Variants in GNB1L observed in about 807,000 individuals in gnomAD.
The protein encoded by GNB1L is guanine nucleotide-binding protein subunit beta-like protein 1.
Under a neutral mutation model 29.1 loss-of-function variants are expected in GNB1L, and 20 were observed. The observed-to-expected ratio is 0.69, with a 90% CI of 0.48 to 1.00. The LOEUF (loss-of-function observed/expected upper bound fraction) is 1.00. Among genes scored for constraint, GNB1L ranks in the 50% least tolerant of loss-of-function variants. GNB1L has a pLI of 0.00. For synonymous variants in GNB1L, 193 were observed against 206.5 expected (o/e 0.93, Z 0.56); for missense variants, 421 against 464.9 (o/e 0.91, Z 0.87).
chr22:19,835,401 CAAAA>C (rs138573984), intron 2 of GNB1L, among the ~76,000 whole-genome samples: 2 of 141,942 alleles, frequency 1.4e-5, no homozygotes, highest in Non-Finnish European at 3.1e-5. Context: ...AACAAACAAA[CAAAA>C]AAAAAACCTC....
At chr22:19,820,464 C>T (rs1185955905) in intron 4 of GNB1L, 134 bp downstream of exon 4, 3 of 966,560 alleles carry the variant, frequency 3.1e-6, no homozygotes, top group African/African-American at 1.6e-5. Flanking sequence ...CCTGCCCTTG[C>T]TGCGGACCCT....
intron 7 of GNB1L, among the ~76,000 whole-genome samples, chr22:19,801,773 C>T (rs531107975): frequency 6.6e-6 from 1 of 151,788 alleles, no homozygotes; most frequent in South Asian, 2.1e-4. Flanking sequence ...CAAGATGTGA[C>T]GGCATGAACC....
intron 4 of GNB1L, among the ~76,000 whole-genome samples, chr22:19,820,096 C>T (rs1937566181): frequency 6.6e-6 from 1 of 152,144 alleles, no homozygotes. Flanking sequence ...TCCACCGGCA[C>T]CGTGTGTGAC....
chr22:19,840,258 G>T (rs1383940741), intron 2 of GNB1L, among the ~76,000 whole-genome samples: 1 of 152,050 alleles, frequency 6.6e-6, no homozygotes, highest in Non-Finnish European at 1.5e-5. Flanking sequence ...GTAAAGAAAT[G>T]ACTAAATAAA....
intron 2 of GNB1L, among the ~76,000 whole-genome samples, chr22:19,854,138 G>A (rs1938178420): frequency 6.6e-6 from 1 of 152,128 alleles, no homozygotes; most frequent in Non-Finnish European, 1.5e-5. Context: ...TCAGTCTGTT[G>A]GTCCCCCTAC....
rs1250003129 is a variant in GNB1L, at chr22:19,854,471, G to C, written c.-49C>G. Reference sequence around the variant, plus strand: ...AGGCTACGCGAATCGCCCGCGAAGAGGGTCCTGGGATCCGTAGCCACAGAC... The same window carrying C: ...AGGCTACGCGAATCGCCCGCGAAGACGGTCCTGGGATCCGTAGCCACAGAC... On this transcript the variant is annotated 5_prime_UTR_variant, in exon 2 of 8. Coordinates refer to ENST00000329517, the MANE Select transcript of GNB1L (RefSeq NM_053004.3). 3.9e-5 allele frequency: 6 copies of C among 152,680 alleles called. No individual in the cohort carries two copies. The highest frequency in any genetic ancestry group is 3.9e-4 in the East Asian group (2 of 5,192). The allele number at this position is 152,680 out of a possible 1,614,324, so 9.5% of individuals were successfully genotyped here.
At chr22:19,819,325 G>T (rs571618662) in intron 4 of GNB1L, among the ~76,000 whole-genome samples, 1 of 152,376 alleles carries the variant, frequency 6.6e-6, no homozygotes, top group Admixed American at 6.5e-5. Flanking sequence ...CATGCAGGAG[G>T]ATGGTGCGAC....
At chr22:19,799,721 G>A (rs1291035793) in intron 7 of GNB1L, among the ~76,000 whole-genome samples, 1 of 152,190 alleles carries the variant, frequency 6.6e-6, no homozygotes, top group African/African-American at 2.4e-5. Flanking sequence ...TGCAGGCGGT[G>A]GGTGAGGACA....
rs906765339 is a variant in GNB1L, at chr22:19,833,186, A to T, written c.-20-11811T>A. ...TCTCAAGGAAAAAGCCAATTTACAG[A>T]TGCCAACCTTGAGAAGATTCAGATG... On this transcript the variant is annotated intron_variant, in intron 2 of 7. Transcript: ENST00000329517. 2.0e-5 allele frequency among the ~76,000 whole-genome samples: 3 copies of T among 152,248 alleles called. No individual in the cohort carries two copies. The East Asian group carries it at 5.8e-4, about 29-fold the overall frequency.
At chr22:19,813,047 C>T (rs1055930575) in intron 4 of GNB1L, among the ~76,000 whole-genome samples, 6 of 152,146 alleles carry the variant, frequency 3.9e-5, no homozygotes, top group Non-Finnish European at 8.8e-5. Context: ...GGTCTCACCA[C>T]AGGGAGATGT....
chr22:19,843,039 G>C (rs1937888949), intron 2 of GNB1L, among the ~76,000 whole-genome samples: 1 of 152,200 alleles, frequency 6.6e-6, no homozygotes, highest in Admixed American at 6.5e-5. Context: ...TCCAAATCCC[G>C]TGCATTGTCA....
chr22:19,792,576 C>G, intron 7 of GNB1L: 1 of 1,594,002 alleles, frequency 6.3e-7, no homozygotes, highest in South Asian at 1.1e-5. Context: ...AGCTACTCAG[C>G]TGCTTAAGCT....
chr22:19,804,863 T>C (rs757258750), intron 6 of GNB1L, among the ~76,000 whole-genome samples: 1 of 152,236 alleles, frequency 6.6e-6, no homozygotes, highest in African/African-American at 2.4e-5. Context: ...TTTTACATGA[T>C]TGTGCAATGA....
rs763310294 is a variant in GNB1L, at chr22:19,802,161, A to G, written c.572T>C (p.Val191Ala). The stretch of plus-strand genomic sequence containing the variant: ...CTTCTGCTCAGAGACGTCCCACAGG[A>G]CCACCGATCCATCCTCATAGCCGGC... ...LLAGYEDGSV[V>A]LWDVSEQKVC... is the part of the protein sequence containing the mutation. The change falls in exon 7 of 8, where the codon GTC (valine) becomes GCC (alanine). Residue 191 changes from valine to alanine, a missense_variant. By Grantham distance (64) the Val-to-Ala change is moderately conservative. Coordinates refer to ENST00000329517, the MANE Select transcript of GNB1L (RefSeq NM_053004.3). 2 of 1,613,158 alleles carry G rather than the reference A, an allele frequency of 1.2e-6. No individual in the cohort carries two copies. Among genetic ancestry groups the G allele is most frequent in the Non-Finnish European group, 1.7e-6 (2 of 1,180,030 alleles).
rs771849112 is a variant in GNB1L, at chr22:19,788,749, T to C, written c.944A>G (p.Asp315Gly). 27 of 1,611,636 alleles carry C rather than the reference T, an allele frequency of 1.7e-5. No individual in the cohort carries two copies. The highest frequency in any genetic ancestry group is 2.2e-5 in the Non-Finnish European group (26 of 1,179,160). Residue 315 changes from aspartate to glycine, a missense_variant, in exon 8 of 8, where the codon GAT becomes GGT. Coordinates refer to ENST00000329517, the MANE Select transcript of GNB1L (RefSeq NM_053004.3). ...GAGTGACCAGAGGCTGATCCGCTGA[T>C]CCTTGGAGCCCGCGGCCAGCAAGCC... ...ADGLLAAGSK[D>G]QRISLWSLYP...
chr22:19,842,263 G>T (rs1569054505), intron 2 of GNB1L, among the ~76,000 whole-genome samples: 1 of 152,268 alleles, frequency 6.6e-6, no homozygotes, highest in Non-Finnish European at 1.5e-5. Context: ...ATCAGACACA[G>T]AGCCCTGGGC....
Position 19,820,717 on chromosome 22 carries a change from C to A in GNB1L, c.135G>T (p.Gln45His). 6.2e-7 allele frequency: 1 copy of A among 1,610,890 alleles called. No homozygotes were observed. Among genetic ancestry groups the A allele is most frequent in the South Asian group, 1.1e-5 (1 of 90,990 alleles). Residue 45 changes from glutamine (Q) to histidine (H), a missense_variant, in exon 4 of 8, where the codon CAG becomes CAT. Physicochemically the swap from Gln to His is conservative, Grantham distance 24. Coordinates refer to ENST00000329517, the MANE Select transcript of GNB1L (RefSeq NM_053004.3). ...QGRPLLFSGSQSGLVHIWSLQ... is the reference protein window; with the variant it reads ...QGRPLLFSGSHSGLVHIWSLQ... ...GGCTCCAGATGTGTACCAGGCCACT[C>A]TGAGACCTGTTTCAGACAAGCCGAG...
In GNB1L at chr22:19,786,130, AG is replaced by A; in HGVS notation, c.*2578del. ...CCTCAGAAGCTGGATCTGCCTGGCA[AG>A]GGGGGCCCTATCTGCCTAGCCACCC... On this transcript the variant is annotated 3_prime_UTR_variant, in exon 8 of 8. Coordinates refer to ENST00000329517, the MANE Select transcript of GNB1L (RefSeq NM_053004.3). 2 of 152,392 alleles carry A rather than the reference AG, an allele frequency of 1.3e-5. No homozygotes were observed. The highest frequency in any genetic ancestry group is 2.9e-5 in the Non-Finnish European group (2 of 68,100). The allele number at this position is 152,392 out of a possible 1,614,324, so 9.4% of individuals were successfully genotyped here.
rs556857684 is a variant in GNB1L, at chr22:19,853,329, G to A, written c.-21+1114C>T. 1.7e-4 allele frequency among the ~76,000 whole-genome samples: 26 copies of A among 152,158 alleles called. No homozygotes were observed. The South Asian group carries it at 5.0e-3, about 29-fold the overall frequency. On this transcript the variant is annotated intron_variant, in intron 2 of 7. Transcript: ENST00000329517. ...GAGTCCCAGTCTGATGGCTGGACCC[G>A]CCCCTCCTTCTCCACGCAGCAGTCA...
Sources: gnomAD v4.1 joint callset for allele counts (sites outside exome capture counted in the v4.1 genomes callset) on GRCh38, gnomAD v4.1.1 for gene constraint, MANE v1.5 for transcripts, NCBI Gene and HGNC (gene_info 2026-07-23, HGNC 2026-07-21) for gene names.